Variants in PPP1CC observed in about 807,000 individuals in gnomAD.
PPP1CC encodes serine/threonine-protein phosphatase PP1-gamma catalytic subunit.
PPP1CC carries 16 observed loss-of-function variants against 38.4 expected under a neutral mutation model. The observed-to-expected ratio is 0.42, with a 90% confidence interval of 0.28 to 0.63. The LOEUF is 0.63. PPP1CC is among the 30% of genes least tolerant of loss of function. The pLI is 0.25. For missense variants in PPP1CC, 170 were observed against 391.3 expected, an observed-to-expected ratio of 0.43 and a Z score of 4.77; for synonymous variants, 158 against 136.0, an observed-to-expected ratio of 1.16 and a Z score of -1.13.
chr12:110,719,471 C>T (rs1432995016), downstream of PPP1CC, among the ~76,000 whole-genome samples: 1 of 152,162 alleles, frequency 6.6e-6, no homozygotes, highest in African/African-American at 2.4e-5. Context: ...AAGATACATA[C>T]TTGTGACAAA....
intron 1 of PPP1CC, among the ~76,000 whole-genome samples, chr12:110,740,173 A>G (rs1313732561): frequency 1.3e-5 from 2 of 152,232 alleles, no homozygotes; most frequent in African/African-American, 2.4e-5. Flanking sequence ...GCAAGCTTAA[A>G]AGATCAATTC....
In PPP1CC at chr12:110,742,784, C is replaced by A; in HGVS notation, c.-77G>T. The A allele has an allele frequency of 8.2e-7, 1 of 1,215,736 alleles. No individual in the cohort carries two copies. The highest frequency in any genetic ancestry group is 1.1e-6 in the Non-Finnish European group (1 of 940,022). The allele number at this position is 1,215,736 out of a possible 1,614,324, so 75.3% of individuals were successfully genotyped here. On this transcript the variant is annotated 5_prime_UTR_variant, in exon 1 of 7. Coordinates refer to ENST00000335007, the MANE Select transcript of PPP1CC (RefSeq NM_002710.4). ...CGGGACTCACACCTCCTTTCCCACG[C>A]CACGAGCAGAGGCGGTGGTGGCGGC...
At chr12:110,717,518 T>C (rs1304024171), downstream of PPP1CC, among the ~76,000 whole-genome samples, 1 of 152,150 alleles carries the variant, frequency 6.6e-6, no homozygotes, top group East Asian at 1.9e-4. Flanking sequence ...CTCAGGCTCC[T>C]GAGTAACTGG....
At chr12:110,727,593 T>C (rs1368797503) in intron 3 of PPP1CC, among the ~76,000 whole-genome samples, 5 of 150,204 alleles carry the variant, frequency 3.3e-5, no homozygotes, top group African/African-American at 1.2e-4. Flanking sequence ...CCTCAGCCTT[T>C]CCATCACATT....
intron 4 of PPP1CC, among the ~76,000 whole-genome samples, chr12:110,724,178 C>T (rs1476200983): frequency 6.6e-6 from 1 of 152,116 alleles, no homozygotes; most frequent in African/African-American, 2.4e-5. Context: ...GCAGAGCTTG[C>T]AGTGAGCCGA....
rs2069724966 is a variant in PPP1CC at position 110,720,420 on chromosome 12, AG to A, written c.*655del. The A allele has an allele frequency of 2.1e-6, 1 of 476,720 alleles. No individual in the cohort carries two copies. The highest frequency in any genetic ancestry group is 3.7e-6 in the Non-Finnish European group (1 of 269,394). 29.5% of individuals were successfully genotyped at this position (476,720 alleles called of 1,614,324 possible). A position where few individuals can be genotyped will look rare whatever the true frequency, so the allele number is the denominator to read the frequency against. ...ATAATTCAACAGAAACTTTGGCTTTAGGAAAGAGTCACAAATATTTAAAAGA... is the reference window on the plus strand; with the variant it reads ...ATAATTCAACAGAAACTTTGGCTTTAGAAAGAGTCACAAATATTTAAAAGA... On this transcript the variant is annotated 3_prime_UTR_variant, in exon 7 of 7. Coordinates refer to ENST00000335007, the MANE Select transcript of PPP1CC (RefSeq NM_002710.4).
chr12:110,734,332 A>G (rs987180060), intron 1 of PPP1CC, among the ~76,000 whole-genome samples: 3 of 152,152 alleles, frequency 2.0e-5, no homozygotes, highest in African/African-American at 7.2e-5. Context: ...AATTAAACAT[A>G]TATTCCAGAC....
At position 110,720,094 on chromosome 12, in the gene PPP1CC, C is replaced by A; in HGVS notation, c.*982G>T. The A allele has an allele frequency of 6.6e-7, 1 of 1,509,690 alleles. No homozygotes were observed. Among genetic ancestry groups the A allele is most frequent in the Non-Finnish European group, 8.9e-7 (1 of 1,123,160 alleles). 93.5% of individuals were successfully genotyped at this position (1,509,690 alleles called of 1,614,324 possible). A position where few individuals can be genotyped will look rare whatever the true frequency, so the allele number is the denominator to read the frequency against. ...TTTTAACTTATAAGCCTCAACTTCA[C>A]CGCAGAATAAAGAATGTAGGCCAAA... On this transcript the variant is annotated 3_prime_UTR_variant, in exon 7 of 7. Coordinates refer to ENST00000335007, the MANE Select transcript of PPP1CC (RefSeq NM_002710.4).
At chr12:110,715,901 G>A (rs929268932), downstream of PPP1CC, among the ~76,000 whole-genome samples, 11 of 150,614 alleles carry the variant, frequency 7.3e-5, no homozygotes, top group Admixed American at 5.2e-4. Context: ...GATTACAGGC[G>A]TGAGCCACCG....
chr12:110,722,026 CTT>C lies in PPP1CC; in HGVS notation c.882+107_882+108del. 7.4e-7 allele frequency: 1 copy of C among 1,348,480 alleles called. No homozygotes were observed. Among genetic ancestry groups the C allele is most frequent in the African/African-American group, 1.5e-5 (1 of 68,160 alleles). 83.5% of individuals were successfully genotyped at this position (1,348,480 alleles called of 1,614,324 possible). On this transcript the variant is annotated intron_variant, in intron 6 of 6. Coordinates refer to ENST00000335007, the MANE Select transcript of PPP1CC (RefSeq NM_002710.4). This position sits in a 1 kb window ranked among gnomAD's most constrained non-coding sequence, Gnocchi z 5.4. ...CACACTGGTTAAGGGAAAATAAAAA[CTT>C]AGCCTACTCAGCATAAGTGAACACT...
chr12:110,710,925 C>G, the PPP1CC span, among the ~76,000 whole-genome samples: 3 of 151,842 alleles, frequency 2.0e-5, no homozygotes, highest in African/African-American at 4.8e-5. Flanking sequence ...GTAATCCCAG[C>G]ACTTTAAAAG....
intron 3 of PPP1CC, chr12:110,726,570 G>T (rs1420908089): frequency 6.6e-6 from 1 of 152,166 alleles, no homozygotes; most frequent in Non-Finnish European, 1.5e-5. Context: ...TCCTTCTTAC[G>T]AAAGGCTGAA....
At chr12:110,732,489 T>C (rs2069885785) in intron 1 of PPP1CC, 1 of 152,504 alleles carries the variant, frequency 6.6e-6, no homozygotes, top group Admixed American at 6.5e-5. Context: ...CAGAGGACCA[T>C]GGGTATCTCC....
the PPP1CC span, among the ~76,000 whole-genome samples, chr12:110,712,749 TCTC>T: frequency 5.3e-5 from 8 of 149,764 alleles, no homozygotes; most frequent in Non-Finnish European, 1.0e-4. Flanking sequence ...GCTTTTCTGA[TCTC>T]CTGTGTCTGT....
intron 6 of PPP1CC, 72 bp from the exon 7 acceptor site, chr12:110,721,237 T>C: frequency 7.6e-7 from 1 of 1,317,526 alleles, no homozygotes; most frequent in South Asian, 1.2e-5. Flanking sequence ...TAAATTTCAT[T>C]CAGATCTTCT....
intron 3 of PPP1CC, among the ~76,000 whole-genome samples, chr12:110,730,238 A>G (rs2069856664): frequency 6.6e-6 from 1 of 152,222 alleles, no homozygotes; most frequent in Non-Finnish European, 1.5e-5. Context: ...GCATGTCTGC[A>G]GTCCTAGCTA....
At chr12:110,724,625 C>G in intron 4 of PPP1CC, 35 bp downstream of exon 4, 1 of 1,308,000 alleles carries the variant, frequency 7.6e-7, no homozygotes, top group East Asian at 2.3e-5. Context: ...TGGAAGGGAT[C>G]AAAACCTATT....
Position 110,737,477 on chromosome 12 carries a change from C to CAAAAAA in PPP1CC, c.55+5170_55+5175dup, listed in dbSNP as rs71083137. 4.1e-3 allele frequency among the ~76,000 whole-genome samples: 174 copies of CAAAAAA among 42,390 alleles called. 3 individuals carry two copies. The highest frequency in any genetic ancestry group is 8.6e-3 in the African/African-American group (82 of 9,520). The allele number at this position is 42,390 out of a possible 152,430, so 27.8% of individuals were successfully genotyped here. On this transcript the variant is annotated intron_variant, in intron 1 of 6. Coordinates refer to ENST00000335007, the MANE Select transcript of PPP1CC (RefSeq NM_002710.4). ...CCAGCCTGGGTGACAAAGAAAGACT[C>CAAAAAA]AAAAAAAAAAAAAAAAAAAAAAAAG...
Position 110,742,878 on chromosome 12 carries a change from G to T in PPP1CC, c.-171C>A, listed in dbSNP as rs1186853463. The T allele has an allele frequency of 4.4e-5, 19 of 431,128 alleles. No homozygotes were observed. Among genetic ancestry groups the T allele is most frequent in the Non-Finnish European group, 8.0e-6 (2 of 250,208 alleles). 26.7% of individuals were successfully genotyped at this position (431,128 alleles called of 1,614,324 possible). On this transcript the variant is annotated 5_prime_UTR_variant, in exon 1 of 7. Coordinates refer to ENST00000335007, the MANE Select transcript of PPP1CC (RefSeq NM_002710.4). ...CCTACTTCCTCCTTCTCTCCCCACTGGAACCACGAGAAGAACAAAATGGCC... is the reference window on the plus strand; with the variant it reads ...CCTACTTCCTCCTTCTCTCCCCACTTGAACCACGAGAAGAACAAAATGGCC...
Sources: allele counts gnomAD v4.1 joint callset (sites outside exome capture counted in the v4.1 genomes callset), GRCh38; gene constraint gnomAD v4.1.1; non-coding constraint Gnocchi (gnomAD v3.1); transcripts MANE v1.5; gene names NCBI Gene and HGNC (gene_info 2026-07-23, HGNC 2026-07-21).